Variants in ANKRD26 observed in about 807,000 individuals in gnomAD.
ANKRD26 encodes the protein ankyrin repeat domain 26, also known as ankyrin repeat domain-containing protein 26.
A neutral mutation model predicts 208.7 loss-of-function variants in ANKRD26; 141 were observed. The observed-to-expected ratio is 0.68, with a 90% CI of 0.59 to 0.78. The LOEUF is 0.78. ANKRD26 is among the 30% of genes least tolerant of loss of function. The pLI, the probability that ANKRD26 is intolerant of heterozygous loss-of-function variation, is 0.00. For missense variants in ANKRD26, 1,889 were observed against 1,938.7 expected (o/e 0.97, Z 0.48); for synonymous variants, 636 against 660.4 (o/e 0.96, Z 0.57).
chr10:27,023,979 T>TACACACACACACACACAC (rs59987738), intron 28 of ANKRD26, among the ~76,000 whole-genome samples: 23,009 of 141,840 alleles, frequency 0.16, 2,390 homozygotes, highest in Non-Finnish European at 0.23. Context: ...ATTTTATTAC[T>TACACACACACACACACAC]ACACACACAC....
intron 6 of ANKRD26, among the ~76,000 whole-genome samples, chr10:27,082,076 G>GAAAAAAAAAA (rs1564424246): frequency 7.8e-5 from 3 of 38,374 alleles, no homozygotes; most frequent in East Asian, 3.9e-4. Context: ...AAAAAAAAAG[G>GAAAAAAAAAA]GAGAGAGAGA....
chr10:27,012,958 A>T lies in ANKRD26; in HGVS notation c.4877T>A (p.Ile1626Asn), dbSNP rs1181347623. The T allele has an allele frequency of 6.2e-7, 1 of 1,614,002 alleles. No homozygotes were observed. The highest frequency in any genetic ancestry group is 8.5e-7 in the Non-Finnish European group (1 of 1,179,994). The change falls in exon 32 of 34, where the codon ATT becomes AAT. Residue 1626 changes from isoleucine to asparagine, a missense_variant. Ile to Asn is a moderately radical substitution (Grantham distance 149). This residue lies in a region of ANKRD26 where 613 missense variants were observed against 648.2 expected (regional missense o/e 0.95). Coordinates refer to ENST00000376087, the MANE Select transcript of ANKRD26 (RefSeq NM_014915.3). ...NNSLDLNRKL[I>N]PRENLVISTS... is the part of the protein sequence containing the mutation. ...AGAGATCACTAAGTTTTCTCTTGGA[A>T]TAAGTTTTCTGTTGAGATCTAAACT...
At chr10:27,036,248 A>G (rs1275625945) in intron 23 of ANKRD26, among the ~76,000 whole-genome samples, 1 of 152,034 alleles carries the variant, frequency 6.6e-6, no homozygotes, top group African/African-American at 2.4e-5. Context: ...TCAGTTATCA[A>G]TTACGTTTAT....
At chr10:27,078,375 T>C (rs2055776169) in intron 7 of ANKRD26, among the ~76,000 whole-genome samples, 1 of 152,036 alleles carries the variant, frequency 6.6e-6, no homozygotes, top group African/African-American at 2.4e-5. Context: ...ATAACAGAAC[T>C]GAAGAAATGT....
At chr10:27,012,741 C>T (rs1386606366) in intron 32 of ANKRD26, 141 bp downstream of exon 32, 1 of 731,580 alleles carries the variant, frequency 1.4e-6, no homozygotes, top group South Asian at 1.7e-5. Flanking sequence ...TGAACCTAGA[C>T]ATAGAGGTTG....
intron 4 of ANKRD26, among the ~76,000 whole-genome samples, chr10:27,088,169 G>A (rs558641703): frequency 1.4e-4 from 22 of 152,234 alleles, no homozygotes; most frequent in African/African-American, 4.8e-4. Context: ...ATATTTGCAC[G>A]TAACATCCCA....
At chr10:27,002,130 G>T (rs999843101), downstream of ANKRD26, among the ~76,000 whole-genome samples, 4 of 152,184 alleles carry the variant, frequency 2.6e-5, no homozygotes, top group African/African-American at 7.2e-5. Flanking sequence ...CTGGCACAGG[G>T]TGTCTGGGAA....
chr10:27,030,531 T>C, intron 25 of ANKRD26: 1 of 985,392 alleles, frequency 1.0e-6, no homozygotes, highest in Non-Finnish European at 1.2e-6. Context: ...GGTTATGTCG[T>C]ACGGTGTAGG....
At chr10:26,949,494 AATTAATTTATTT>A in the ANKRD26 span, among the ~76,000 whole-genome samples, 1 of 151,796 alleles carries the variant, frequency 6.6e-6, no homozygotes, top group African/African-American at 2.4e-5. Context: ...TAGTTATATT[AATTAATTTATTT>A]ATTAATTTAT....
chr10:27,071,879 C>G (rs566190324), intron 9 of ANKRD26, among the ~76,000 whole-genome samples: 23 of 152,280 alleles, frequency 1.5e-4, no homozygotes, highest in African/African-American at 5.1e-4. Flanking sequence ...AGCGGCATCC[C>G]CATATACATT....
intron 32 of ANKRD26, among the ~76,000 whole-genome samples, chr10:27,008,184 A>T (rs2052959145): frequency 6.6e-6 from 1 of 152,132 alleles, no homozygotes; most frequent in African/African-American, 2.4e-5. Flanking sequence ...CTATATAGTG[A>T]GCATAATAGG....
chr10:27,087,463 A>T (rs890788598), intron 4 of ANKRD26, among the ~76,000 whole-genome samples: 1 of 152,244 alleles, frequency 6.6e-6, no homozygotes, highest in Non-Finnish European at 1.5e-5. Context: ...TAATATTCAA[A>T]TGTTGCCATT....
downstream of ANKRD26, among the ~76,000 whole-genome samples, chr10:26,972,819 T>C (rs1220563157): frequency 3.3e-5 from 5 of 152,120 alleles, no homozygotes; most frequent in Non-Finnish European, 5.9e-5. Flanking sequence ...CTCGATCGCC[T>C]GACCTTGTGA....
At chr10:27,087,959 T>C (rs1372009460) in intron 4 of ANKRD26, among the ~76,000 whole-genome samples, 1 of 152,044 alleles carries the variant, frequency 6.6e-6, no homozygotes, top group Non-Finnish European at 1.5e-5. Flanking sequence ...TTTTCTTCAT[T>C]ATTTTTTGTA....
At chr10:26,975,019 A>G (rs184377541) in exon 6 of ANKRD26, among the ~76,000 whole-genome samples, 2 of 152,242 alleles carry the variant, frequency 1.3e-5, no homozygotes, top group East Asian at 3.9e-4. Flanking sequence ...GGCCTCTTGT[A>G]TCACTAGATT....
chr10:27,020,156 T>C (rs1050583198), intron 29 of ANKRD26, among the ~76,000 whole-genome samples: 2 of 147,872 alleles, frequency 1.4e-5, no homozygotes, highest in African/African-American at 2.6e-5. Context: ...ATGGGATGAA[T>C]TATTTTCTCC....
At chr10:27,045,724 A>C (rs1189661020) in intron 18 of ANKRD26, among the ~76,000 whole-genome samples, 2 of 152,228 alleles carry the variant, frequency 1.3e-5, no homozygotes, top group Non-Finnish European at 2.9e-5. Flanking sequence ...AATTCAATTC[A>C]GTATGGCCTA....
At chr10:27,017,429 AAC>A in intron 30 of ANKRD26, 71 bp downstream of exon 30, 1 of 1,516,698 alleles carries the variant, frequency 6.6e-7, no homozygotes, top group African/African-American at 1.4e-5. Flanking sequence ...ATGTAGAGGA[AAC>A]ACATATAATG....
intron 25 of ANKRD26, 89 bp from the exon 26 acceptor site, chr10:27,029,445 A>G: frequency 2.6e-6 from 3 of 1,160,146 alleles, no homozygotes; most frequent in Non-Finnish European, 3.8e-6. Context: ...CCTTATCGGA[A>G]CACAGTCATA....
Sources: allele counts gnomAD v4.1 joint callset (sites outside exome capture counted in the v4.1 genomes callset), GRCh38; gene constraint gnomAD v4.1.1; regional missense constraint gnomAD v4.1.1; transcripts MANE v1.5; gene names NCBI Gene and HGNC (gene_info 2026-07-23, HGNC 2026-07-21).